The following ABI3BP variants were observed in gnomAD, a reference collection of about 807,000 sequenced individuals.
ABI3BP encodes ABI family member 3 binding protein, also known as target of Nesh-SH3.
ABI3BP carries 216 observed loss-of-function variants against 268.6 expected under a neutral mutation model. The observed-to-expected ratio is 0.80, with a 90% confidence interval of 0.72 to 0.90. ABI3BP has a LOEUF of 0.90. Ranked by LOEUF, ABI3BP falls within the 40% of genes least tolerant of loss-of-function variation. The pLI is 0.00. For missense variants in ABI3BP, 2,090 were observed against 2,182.4 expected, an observed-to-expected ratio of 0.96 and a Z score of 0.84; for synonymous variants, 730 against 730.0, an observed-to-expected ratio of 1.00 and a Z score of 0.00.
rs2095211341 is a variant in ABI3BP at position 100,749,553 on chromosome 3, T to G, written c.*942A>C. 1 of 358,600 alleles carries G rather than the reference T, an allele frequency of 2.8e-6. No individual in the cohort carries two copies. Among genetic ancestry groups the G allele is most frequent in the Non-Finnish European group, 4.9e-6 (1 of 203,606 alleles). 22.2% of individuals were successfully genotyped at this position (358,600 alleles called of 1,614,324 possible). ...TAGTTAGTTAGATTTTTATTACAGATTGAATTAAACAGTTACAAAGACATT... is the reference window on the plus strand; with the variant it reads ...TAGTTAGTTAGATTTTTATTACAGAGTGAATTAAACAGTTACAAAGACATT... On this transcript the variant is annotated 3_prime_UTR_variant, in exon 68 of 68. Coordinates refer to ENST00000471714, the MANE Select transcript of ABI3BP (RefSeq NM_001375547.2).
intron 1 of ABI3BP, among the ~76,000 whole-genome samples, chr3:100,970,457 T>C (rs891431794): frequency 6.6e-6 from 1 of 152,190 alleles, no homozygotes; most frequent in Non-Finnish European, 1.5e-5. Flanking sequence ...TGCAGAATAA[T>C]GTGACGTATA....
At chr3:100,985,872 C>T (rs141920125) in intron 1 of ABI3BP, among the ~76,000 whole-genome samples, 2 of 152,318 alleles carry the variant, frequency 1.3e-5, no homozygotes, top group Admixed American at 6.5e-5. Flanking sequence ...AATGCTTAAA[C>T]CAGTATATTA....
chr3:100,779,143 T>C (rs778582665), intron 58 of ABI3BP, among the ~76,000 whole-genome samples: 42 of 152,186 alleles, frequency 2.8e-4, no homozygotes, highest in Admixed American at 1.2e-3. Context: ...TATTATGTAA[T>C]TATAATTAAA....
intron 14 of ABI3BP, among the ~76,000 whole-genome samples, chr3:100,862,018 T>C (rs1192364671): frequency 6.6e-6 from 1 of 152,244 alleles, no homozygotes; most frequent in Non-Finnish European, 1.5e-5. Flanking sequence ...TTTGGTACTG[T>C]TTTCCTGTCA....
At chr3:100,904,789 A>T (rs1307375352) in intron 2 of ABI3BP, among the ~76,000 whole-genome samples, 1 of 152,342 alleles carries the variant, frequency 6.6e-6, no homozygotes, top group Non-Finnish European at 1.5e-5. Flanking sequence ...GTGGAGAAAT[A>T]GGAACACTTT....
chr3:100,970,156 T>C (rs1195401587), intron 1 of ABI3BP, among the ~76,000 whole-genome samples: 1 of 152,208 alleles, frequency 6.6e-6, no homozygotes, highest in Non-Finnish European at 1.5e-5. Flanking sequence ...AAGGGCACTC[T>C]TATCCATACG....
At chr3:100,975,475 A>G (rs1440558021) in intron 1 of ABI3BP, among the ~76,000 whole-genome samples, 3 of 152,046 alleles carry the variant, frequency 2.0e-5, no homozygotes, top group Non-Finnish European at 2.9e-5. Context: ...GGATTATACA[A>G]TAGTTGGTCT....
intron 14 of ABI3BP, among the ~76,000 whole-genome samples, chr3:100,860,007 G>C (rs1416149390): frequency 6.6e-6 from 1 of 152,206 alleles, no homozygotes; most frequent in African/African-American, 2.4e-5. Context: ...AGGAGGCAAA[G>C]GTTGCAGTGA....
intron 20 of ABI3BP, among the ~76,000 whole-genome samples, chr3:100,845,401 G>A (rs937843091): frequency 9.9e-5 from 15 of 152,034 alleles, no homozygotes; most frequent in South Asian, 4.1e-4. Flanking sequence ...ATTTCCTTCC[G>A]TCTGCACCTA....
chr3:100,914,505 T>C (rs1321032407), intron 2 of ABI3BP: 7 of 453,150 alleles, frequency 1.5e-5, no homozygotes, highest in South Asian at 1.1e-4. Context: ...GATTCCAGAA[T>C]GTTCACAGGC....
At chr3:100,920,734 TTATA>T in intron 2 of ABI3BP, among the ~76,000 whole-genome samples, 1 of 152,330 alleles carries the variant, frequency 6.6e-6, no homozygotes, top group East Asian at 1.9e-4. Context: ...ATTAGCTTCT[TTATA>T]TGATTCAGCC....
intron 1 of ABI3BP, among the ~76,000 whole-genome samples, chr3:100,952,374 A>G (rs2153774613): frequency 6.6e-6 from 1 of 152,322 alleles, no homozygotes; most frequent in Non-Finnish European, 1.5e-5. Flanking sequence ...ACATATTTCA[A>G]AACTTCATGT....
chr3:100,839,598 A>G lies in ABI3BP; in HGVS notation c.1916T>C (p.Ile639Thr). The G allele has an allele frequency of 6.5e-7, 1 of 1,535,906 alleles. No individual in the cohort carries two copies. Among genetic ancestry groups the G allele is most frequent in the Non-Finnish European group, 8.7e-7 (1 of 1,146,702 alleles). ...TGTGGGCACCAAGGGCTCCGGTTGT[A>G]TCGTGGCAGGTTCCAGAGCTACAGA... ...KSKPALEPAT[I>T]QPEPLVPTTA... The change falls in exon 24 of 68, where the codon ATA becomes ACA. Residue 639 changes from isoleucine to threonine, a missense_variant. Physicochemically the swap from Ile to Thr is moderately conservative, Grantham distance 89. Coordinates refer to ENST00000471714, the MANE Select transcript of ABI3BP (RefSeq NM_001375547.2).
chr3:100,833,022 T>G, intron 30 of ABI3BP, 103 bp downstream of exon 30: 3 of 990,672 alleles, frequency 3.0e-6, no homozygotes, highest in Non-Finnish European at 4.4e-6. Context: ...AATACTGTAA[T>G]GAGATGACAA....
intron 27 of ABI3BP, among the ~76,000 whole-genome samples, chr3:100,836,576 T>G (rs1388401135): frequency 1.3e-5 from 2 of 152,186 alleles, no homozygotes; most frequent in Admixed American, 1.3e-4. Flanking sequence ...CAACAATATT[T>G]ATAATTAATT....
Position 100,754,657 on chromosome 3 carries a change from C to T in ABI3BP, c.4885G>A (p.Gly1629Ser), listed in dbSNP as rs1351697743. ...ACTGTGTTGCTGACCGGGCCTTCAC[C>T]AAGCGGGTTTTTGGGTTTCACCTGG... is the stretch of plus-strand genomic sequence containing the variant. ...EFQVKPKNPL[G>S]EGPVSNTVAF... Residue 1629 changes from glycine to serine, a missense_variant, in exon 64 of 68, where the codon GGT becomes AGT. Coordinates refer to ENST00000471714, the MANE Select transcript of ABI3BP (RefSeq NM_001375547.2). 6.3e-7 allele frequency: 1 copy of T among 1,593,552 alleles called. No homozygotes were observed. The highest frequency in any genetic ancestry group is 8.6e-7 in the Non-Finnish European group (1 of 1,169,048).
intron 18 of ABI3BP, among the ~76,000 whole-genome samples, 168 bp from the exon 19 acceptor site, chr3:100,847,841 A>T (rs1339460149): frequency 1.3e-5 from 2 of 152,240 alleles, no homozygotes; most frequent in African/African-American, 4.8e-5. Flanking sequence ...AACAGTATAC[A>T]TCATACAAAA....
chr3:100,837,176 AT>A lies in ABI3BP; in HGVS notation c.2084-6del. 6.5e-7 allele frequency: 1 copy of A among 1,533,070 alleles called. No individual in the cohort carries two copies. The highest frequency in any genetic ancestry group is 8.7e-7 in the Non-Finnish European group (1 of 1,145,296). 95.0% of individuals were successfully genotyped at this position (1,533,070 alleles called of 1,614,324 possible). A position where few individuals can be genotyped will look rare whatever the true frequency, so the allele number is the denominator to read the frequency against. On this transcript the variant is annotated splice_polypyrimidine_tract_variant and splice_region_variant and intron_variant, in intron 26 of 67. Coordinates refer to ENST00000471714, the MANE Select transcript of ABI3BP (RefSeq NM_001375547.2). ...CAAATGGAACAGGCTCAGAGACTGC[AT>A]CATAAAAAATAAACAGATATAAGTA...
chr3:100,922,952 T>C (rs1299134844), intron 2 of ABI3BP, among the ~76,000 whole-genome samples: 3 of 152,080 alleles, frequency 2.0e-5, no homozygotes, highest in Non-Finnish European at 4.4e-5. Flanking sequence ...AAAATAACAT[T>C]TAACTTGGAA....
Sources: gnomAD v4.1 joint callset for allele counts (sites outside exome capture counted in the v4.1 genomes callset) on GRCh38, gnomAD v4.1.1 for gene constraint, MANE v1.5 for transcripts, NCBI Gene and HGNC (gene_info 2026-07-23, HGNC 2026-07-21) for gene names.